Variants in RNF168 observed in about 807,000 individuals in gnomAD.
RNF168 encodes the protein E3 ubiquitin-protein ligase RNF168.
RNF168 carries 34 observed loss-of-function variants against 34.9 expected under a neutral mutation model. The ratio of observed to expected loss-of-function variants is 0.97; its 90% confidence interval spans 0.74 to 1.30. The LOEUF is 1.30. RNF168 is among the 50% of genes most tolerant of loss of function. RNF168 has a pLI of 0.00. For synonymous variants in RNF168, 264 were observed against 254.7 expected, an observed-to-expected ratio of 1.04 and a Z score of -0.35; for missense variants, 725 against 682.5, an observed-to-expected ratio of 1.06 and a Z score of -0.69.
chr3:196,479,418 C>T (rs1732235637), intron 4 of RNF168, among the ~76,000 whole-genome samples: 1 of 152,016 alleles, frequency 6.6e-6, no homozygotes, highest in Non-Finnish European at 1.5e-5. Context: ...GATCCTGCCA[C>T]CTCAGCCTCC....
At chr3:196,485,872 A>G (rs909321549) in intron 3 of RNF168, among the ~76,000 whole-genome samples, 1 of 152,186 alleles carries the variant, frequency 6.6e-6, no homozygotes, top group African/African-American at 2.4e-5. Flanking sequence ...TTGTTTTCAC[A>G]GGCTCTCAAA....
At chr3:196,488,247 C>T (rs1341853250) in intron 2 of RNF168, among the ~76,000 whole-genome samples, 2 of 152,100 alleles carry the variant, frequency 1.3e-5, no homozygotes, top group African/African-American at 2.4e-5. Context: ...TTTGGGAGGC[C>T]GAGGCGGGCG....
intron 3 of RNF168, among the ~76,000 whole-genome samples, chr3:196,484,341 T>A (rs1267742089): frequency 6.6e-6 from 1 of 151,524 alleles, no homozygotes; most frequent in East Asian, 1.9e-4. Flanking sequence ...CCGGCTAATT[T>A]TTTGTATTTT....
intron 1 of RNF168, among the ~76,000 whole-genome samples, chr3:196,491,390 T>C (rs542162229): frequency 1.2e-4 from 19 of 152,086 alleles, no homozygotes; most frequent in Non-Finnish European, 2.2e-4. Flanking sequence ...GGCTCATGCC[T>C]GTAATCACAG....
intron 1 of RNF168, among the ~76,000 whole-genome samples, chr3:196,500,773 G>T (rs1296652387): frequency 1.3e-5 from 2 of 151,678 alleles, no homozygotes. Context: ...GTGCGGTGGC[G>T]TGATCTCGGC....
chr3:196,472,469 C>A lies in RNF168; in HGVS notation c.1066G>T (p.Ala356Ser), dbSNP rs772804181. 6 of 1,614,108 alleles carry A rather than the reference C, an allele frequency of 3.7e-6. No homozygotes were observed. The South Asian group carries it at 6.6e-5, about 18-fold the overall frequency. Reference protein sequence around the residue: ...MPCGRTESGCAPTSGVTQTNG... With the variant: ...MPCGRTESGCSPTSGVTQTNG... ...GTCTGTGTCACCCCTGATGTGGGGG[C>A]GCACCCACTTTCTGTTCTGCCACAA... The change falls in exon 6 of 6, where the codon GCC (alanine) becomes TCC (serine). Residue 356 changes from alanine (A) to serine (S), a missense_variant. By Grantham distance (99) the Ala-to-Ser change is moderately conservative. Coordinates refer to ENST00000318037, the MANE Select transcript of RNF168 (RefSeq NM_152617.4).
chr3:196,487,772 T>C (rs148377811), intron 2 of RNF168, among the ~76,000 whole-genome samples, 194 bp from the exon 3 acceptor site: 45 of 152,298 alleles, frequency 3.0e-4, no homozygotes, highest in African/African-American at 1.1e-3. Context: ...GCACTGAAAT[T>C]ATAGGTGTGA....
chr3:196,481,328 T>C (rs1022440700), intron 4 of RNF168, among the ~76,000 whole-genome samples: 1 of 152,096 alleles, frequency 6.6e-6, no homozygotes, highest in Admixed American at 6.6e-5. Flanking sequence ...TCCAGGCACC[T>C]TGGGAGGCCC....
In RNF168 at chr3:196,472,897, ATTTC is replaced by A. The variant is rs561288876; in HGVS notation, c.763-129_763-126del. On this transcript the variant is annotated intron_variant, in intron 5 of 5. Transcript: ENST00000318037. ...CATTATTATTACTAATAAGGTATAT[ATTTC>A]TTTCTTTCTTTTCTTTTTTTTTCAG... is the stretch of plus-strand genomic sequence containing the variant. 794 of 612,456 alleles carry A rather than the reference ATTTC, an allele frequency of 1.3e-3. 6 individuals are homozygous for A. The highest frequency in any genetic ancestry group is 0.012 in the African/African-American group (643 of 54,154). 37.9% of individuals were successfully genotyped at this position (612,456 alleles called of 1,614,324 possible).
rs1416394784 is a variant in RNF168, at chr3:196,503,073, G to A, written c.101C>T (p.Thr34Met). Residue 34 changes from threonine (T) to methionine (M), a missense_variant, in exon 1 of 6, where the codon ACG becomes ATG. Coordinates refer to ENST00000318037, the MANE Select transcript of RNF168 (RefSeq NM_152617.4). The stretch of plus-strand genomic sequence containing the variant: ...CGACTGGAAGCACGGTTTACACAGC[G>A]TGTGGTTACACGGGAGGGTGACGGG... Reference protein sequence around the residue: ...VEPVTLPCNHTLCKPCFQSTV... With the variant: ...VEPVTLPCNHMLCKPCFQSTV... The A allele has an allele frequency of 6.2e-7, 1 of 1,614,170 alleles. No individual in the cohort carries two copies. Among genetic ancestry groups the A allele is most frequent in the Non-Finnish European group, 8.5e-7 (1 of 1,180,018 alleles).
chr3:196,489,607 G>A (rs552224009), intron 1 of RNF168, among the ~76,000 whole-genome samples: 10 of 152,172 alleles, frequency 6.6e-5, no homozygotes, highest in Middle Eastern at 3.2e-3. Context: ...GACTACAGGC[G>A]TGAGCCACCG....
chr3:196,490,919 T>C (rs565339298), intron 1 of RNF168, among the ~76,000 whole-genome samples: 1 of 152,376 alleles, frequency 6.6e-6, no homozygotes, highest in Non-Finnish European at 1.5e-5. Flanking sequence ...TGGCTTAAAC[T>C]GAGACCTAGA....
rs1182739489 is a variant in RNF168, at chr3:196,469,011, A to C, written c.*2808T>G. The C allele has an allele frequency of 1.3e-5, 2 of 152,212 alleles. No individual in the cohort carries two copies. Among genetic ancestry groups the C allele is most frequent in the African/African-American group, 2.4e-5 (1 of 41,470 alleles). 9.4% of individuals were successfully genotyped at this position (152,212 alleles called of 1,614,324 possible). The stretch of plus-strand genomic sequence containing the variant: ...ATCTTGAAACCAATTTTAGTCAGGA[A>C]GACTTCTTCACAGAGAATGAGCTGA... On this transcript the variant is annotated 3_prime_UTR_variant, in exon 6 of 6. Coordinates refer to ENST00000318037, the MANE Select transcript of RNF168 (RefSeq NM_152617.4).
intron 2 of RNF168, 80 bp from the exon 3 acceptor site, chr3:196,487,658 G>A (rs1732490613): frequency 2.8e-5 from 38 of 1,348,188 alleles, no homozygotes; most frequent in Middle Eastern, 1.8e-4. Context: ...GAATAGAAAA[G>A]TAGAAAAAGA....
At position 196,472,614 on chromosome 3, in the gene RNF168, T is replaced by C; in HGVS notation, c.921A>G (p.Glu307=). 2 of 1,614,064 alleles carry C rather than the reference T, an allele frequency of 1.2e-6. No homozygotes were observed. The highest frequency in any genetic ancestry group is 8.5e-7 in the Non-Finnish European group (1 of 1,179,890). ...TTTTGACGTTTCCTTCATGGTACCA[T>C]TCGGCACCACAGGCACATAACCATG... is the stretch of plus-strand genomic sequence containing the variant. The part of the protein sequence containing the change: ...PMPWLCACGA[E]WYHEGNVKTR... The change falls in exon 6 of 6, where the codon GAA becomes GAG. Residue 307 remains glutamate, a synonymous_variant. Coordinates refer to ENST00000318037, the MANE Select transcript of RNF168 (RefSeq NM_152617.4).
intron 4 of RNF168, among the ~76,000 whole-genome samples, chr3:196,482,450 T>C (rs1204038907): frequency 1.3e-5 from 2 of 152,234 alleles, no homozygotes; most frequent in Non-Finnish European, 2.9e-5. Context: ...TTCAATTCTT[T>C]TGGGTACATA....
intron 1 of RNF168, among the ~76,000 whole-genome samples, chr3:196,496,793 G>A (rs998722673): frequency 6.6e-6 from 1 of 152,050 alleles, no homozygotes; most frequent in Non-Finnish European, 1.5e-5. Context: ...TGCTTGAGGT[G>A]AGCTGTTCAA....
intron 4 of RNF168, among the ~76,000 whole-genome samples, chr3:196,476,969 A>C (rs1732164961): frequency 6.6e-6 from 1 of 151,692 alleles, no homozygotes; most frequent in Non-Finnish European, 1.5e-5. Context: ...GATGGTCTCA[A>C]TCTCTTGACC....
chr3:196,488,720 A>G (rs1732518398), intron 1 of RNF168, 37 bp from the exon 2 acceptor site: 1 of 1,349,182 alleles, frequency 7.4e-7, no homozygotes, highest in Non-Finnish European at 1.1e-6. Flanking sequence ...CATTATAGGC[A>G]ACACAATTTT....
Sources: gnomAD v4.1 joint callset for allele counts (sites outside exome capture counted in the v4.1 genomes callset) on GRCh38, gnomAD v4.1.1 for gene constraint, MANE v1.5 for transcripts, NCBI Gene and HGNC (gene_info 2026-07-23, HGNC 2026-07-21) for gene names.